Variants in CRTAC1 observed in about 807,000 individuals in gnomAD.
The protein encoded by CRTAC1 is acidic secreted protein in cartilage.
A neutral mutation model predicts 67.8 loss-of-function variants in CRTAC1; 37 were observed. The observed-to-expected ratio is 0.55, with a 90% CI of 0.42 to 0.72. CRTAC1 has a LOEUF of 0.72. CRTAC1 is among the 30% of genes least tolerant of loss of function. The pLI, the probability that CRTAC1 is intolerant of heterozygous loss-of-function variation, is 0.00. For missense variants in CRTAC1, 780 were observed against 931.6 expected (o/e 0.84, Z 2.12); for synonymous variants, 348 against 371.0 (o/e 0.94, Z 0.71).
intron 2 of CRTAC1, among the ~76,000 whole-genome samples, chr10:97,978,824 G>T (rs988770282): frequency 3.3e-5 from 5 of 152,156 alleles, no homozygotes; most frequent in African/African-American, 1.2e-4. Flanking sequence ...CTTATTTGTT[G>T]TCTGTTTGGT....
intron 2 of CRTAC1, among the ~76,000 whole-genome samples, chr10:97,937,922 A>T (rs1209576101): frequency 6.6e-6 from 1 of 152,198 alleles, no homozygotes. Context: ...AGCTGGTAAC[A>T]CCCAGGGAGG....
chr10:98,009,100 T>A (rs1339336490), intron 2 of CRTAC1, among the ~76,000 whole-genome samples: 2 of 152,190 alleles, frequency 1.3e-5, no homozygotes, highest in Admixed American at 1.3e-4. Context: ...TCACCCCAGG[T>A]AAAAAGCGTC....
chr10:97,975,047 G>C lies in CRTAC1; in HGVS notation c.224+36091C>G, dbSNP rs554957274. 1.3e-5 allele frequency among the ~76,000 whole-genome samples: 2 copies of C among 152,216 alleles called. No individual in the cohort carries two copies. Among genetic ancestry groups the C allele is most frequent in the East Asian group, 3.9e-4 (2 of 5,138 alleles). On this transcript the variant is annotated intron_variant, in intron 2 of 14. Transcript: ENST00000370597. This position sits in a 1 kb window ranked among gnomAD's most constrained non-coding sequence, Gnocchi z 4.8. ...GAGGCCGGAGCGCGGGCAGGGACTGGCGCGGGATCGATTCCCGGGTGGCGG... is the reference window on the plus strand; with the variant it reads ...GAGGCCGGAGCGCGGGCAGGGACTGCCGCGGGATCGATTCCCGGGTGGCGG...
intron 2 of CRTAC1, among the ~76,000 whole-genome samples, chr10:97,961,546 A>T (rs1434412158): frequency 1.3e-5 from 2 of 152,216 alleles, no homozygotes; most frequent in African/African-American, 4.8e-5. Context: ...GAGTGAAAGG[A>T]GGGGAGAGAC....
At chr10:97,927,891 T>C (rs1468507089) in intron 3 of CRTAC1, among the ~76,000 whole-genome samples, 1 of 152,190 alleles carries the variant, frequency 6.6e-6, no homozygotes, top group Admixed American at 6.5e-5. Context: ...CACTGGCCCC[T>C]GGCCCATGTC....
At chr10:97,935,665 T>C (rs891382227) in intron 3 of CRTAC1, among the ~76,000 whole-genome samples, 29 of 152,170 alleles carry the variant, frequency 1.9e-4, no homozygotes, top group African/African-American at 6.8e-4. Context: ...TGTAGGTGCT[T>C]AGCAAGAATT....
rs529361399 is a variant in CRTAC1 at position 98,016,488 on chromosome 10, G to A, written c.25-5151C>T. ...AGGGTCATGTTGAAAATACAGATTCGGATTTGGTAGGTGTGGGGTGGTCCC... is the reference window on the plus strand; with the variant it reads ...AGGGTCATGTTGAAAATACAGATTCAGATTTGGTAGGTGTGGGGTGGTCCC... On this transcript the variant is annotated intron_variant, in intron 1 of 14. Coordinates refer to ENST00000370597, the MANE Select transcript of CRTAC1 (RefSeq NM_018058.7). Among the ~76,000 whole-genome samples the A allele has an allele frequency of 8.5e-5, 13 of 152,248 alleles. No homozygotes were observed. The South Asian group carries it at 1.0e-3, about 12-fold the overall frequency.
rs1316056214 is a variant in CRTAC1, at chr10:97,932,326, C to T, written c.421+3844G>A. ...GGGCACTGTAATAAGTGCTTTCATT[C>T]GTTATCTCAGGTGTTCATTCAAAAA... is the stretch of plus-strand genomic sequence containing the variant. On this transcript the variant is annotated intron_variant, in intron 3 of 14. Transcript: ENST00000370597. Among the ~76,000 whole-genome samples the T allele has an allele frequency of 3.3e-5, 5 of 152,238 alleles. No homozygotes were observed. The South Asian group carries it at 6.2e-4, about 19-fold the overall frequency.
intron 1 of CRTAC1, among the ~76,000 whole-genome samples, chr10:98,028,781 A>G (rs144581693): frequency 0.011 from 1,653 of 152,336 alleles, 30 homozygotes; most frequent in African/African-American, 0.034. Flanking sequence ...GTTGGGATAT[A>G]GATTGATAGC....
intron 1 of CRTAC1, among the ~76,000 whole-genome samples, chr10:98,012,249 G>A (rs1842923580): frequency 1.3e-5 from 2 of 152,260 alleles, no homozygotes; most frequent in East Asian, 3.9e-4. Flanking sequence ...CTGGGGCCAT[G>A]GGAGCCTGTG....
chr10:97,879,290 A>T (rs2050181291), intron 14 of CRTAC1, among the ~76,000 whole-genome samples: 3 of 152,206 alleles, frequency 2.0e-5, no homozygotes, highest in African/African-American at 7.2e-5. Context: ...GCACAGGCCA[A>T]ACCAGCAGGC....
At chr10:97,999,784 GC>G (rs1311198610) in intron 2 of CRTAC1, among the ~76,000 whole-genome samples, 3 of 152,152 alleles carry the variant, frequency 2.0e-5, no homozygotes, top group Non-Finnish European at 4.4e-5. Flanking sequence ...CCTCTCTGAG[GC>G]CCATAAAAGC....
At chr10:98,027,763 T>A (rs1245338873) in intron 1 of CRTAC1, among the ~76,000 whole-genome samples, 1 of 152,250 alleles carries the variant, frequency 6.6e-6, no homozygotes, top group Non-Finnish European at 1.5e-5. Context: ...GTATGGGATG[T>A]ATTAATTTAC....
intron 11 of CRTAC1, among the ~76,000 whole-genome samples, chr10:97,894,711 CAT>C (rs66795716): frequency 1.4e-3 from 85 of 59,822 alleles, no homozygotes; most frequent in Non-Finnish European, 1.9e-3. Flanking sequence ...GATGCTTTTA[CAT>C]ATATATATAT....
chr10:97,934,609 G>T lies in CRTAC1; in HGVS notation c.421+1561C>A, dbSNP rs145010432. ...AGTAATGGTAATGTCGTGGCTCAGG[G>T]GAAAGCCAGTGTATATGTGTCAGGG... is the stretch of plus-strand genomic sequence containing the variant. On this transcript the variant is annotated intron_variant, in intron 3 of 14. Transcript: ENST00000370597. 3.5e-3 allele frequency among the ~76,000 whole-genome samples: 528 copies of T among 152,282 alleles called. 3 individuals carry two copies. The highest frequency in any genetic ancestry group is 0.012 in the African/African-American group (500 of 41,550).
chr10:97,964,996 G>GCT (rs1044072777), intron 2 of CRTAC1, among the ~76,000 whole-genome samples: 6 of 152,130 alleles, frequency 3.9e-5, no homozygotes, highest in Admixed American at 6.5e-5. Context: ...ACTGGGCTGT[G>GCT]CTCTCTCTCT....
intron 2 of CRTAC1, among the ~76,000 whole-genome samples, chr10:97,981,105 CAT>C (rs1340636636): frequency 6.6e-6 from 1 of 152,096 alleles, no homozygotes; most frequent in Non-Finnish European, 1.5e-5. Flanking sequence ...AAGAGAAACA[CAT>C]AATTGTTCCC....
At chr10:97,883,646 T>C (rs760581093) in intron 12 of CRTAC1, among the ~76,000 whole-genome samples, 27 of 152,318 alleles carry the variant, frequency 1.8e-4, no homozygotes, top group South Asian at 1.4e-3. Flanking sequence ...GTTTTATGAG[T>C]GATCCTCCTT....
chr10:97,978,149 C>A (rs972215407), intron 2 of CRTAC1, among the ~76,000 whole-genome samples: 1 of 152,156 alleles, frequency 6.6e-6, no homozygotes, highest in African/African-American at 2.4e-5. Context: ...GACTTTGCTA[C>A]GCAAAGTGTG....
Sources: allele counts gnomAD v4.1 joint callset (sites outside exome capture counted in the v4.1 genomes callset), GRCh38; gene constraint gnomAD v4.1.1; non-coding constraint Gnocchi (gnomAD v3.1); transcripts MANE v1.5; gene names NCBI Gene and HGNC (gene_info 2026-07-23, HGNC 2026-07-21).